Variants in TMEM145 observed in about 807,000 individuals in gnomAD.
TMEM145 encodes transmembrane protein 145.
TMEM145 carries 46 observed loss-of-function variants against 68.5 expected under a neutral mutation model. That is an observed-to-expected ratio of 0.67 (90% CI 0.53 to 0.86). The LOEUF (loss-of-function observed/expected upper bound fraction) is 0.86. Ranked by LOEUF, TMEM145 falls within the 40% of genes least tolerant of loss-of-function variation. TMEM145 has a pLI of 0.00. For synonymous variants in TMEM145, 255 were observed against 280.2 expected (o/e 0.91, Z 0.90); for missense variants, 570 against 645.8 (o/e 0.88, Z 1.27).
chr19:42,317,570 TTCTGTCTCCGTG>T (rs768871787), intron 11 of TMEM145, 127 bp from the exon 12 acceptor site: 238 of 712,716 alleles, frequency 3.3e-4, no homozygotes, highest in Non-Finnish European at 5.2e-4. Flanking sequence ...CTCAATATGC[TTCTGTCTCCGTG>T]CCTGGCTCTC....
rs773204766 is a variant in TMEM145, at chr19:42,323,586, A to C, written c.1198A>C (p.Met400Leu). ...CTGCTCCTGGCCCTGGCCTCAGATC[A>C]TGACCCGCCCATCAGCGGCCAACAA... is the stretch of plus-strand genomic sequence containing the variant. ...HLYAHGVFLI[M>L]TRPSAANKNF... is the part of the protein sequence containing the mutation. Residue 400 changes from methionine to leucine, a missense_variant, in exon 14 of 15, where the codon ATG becomes CTG. Physicochemically the swap from Met to Leu is conservative, Grantham distance 15. Coordinates refer to ENST00000301204, the MANE Select transcript of TMEM145 (RefSeq NM_173633.3). The C allele has an allele frequency of 6.2e-7, 1 of 1,613,820 alleles. No individual in the cohort carries two copies. Among genetic ancestry groups the C allele is most frequent in the East Asian group, 2.2e-5 (1 of 44,878 alleles).
chr19:42,314,948 C>T lies in TMEM145; in HGVS notation c.421-45C>T, dbSNP rs201078342. 2.7e-5 allele frequency: 43 copies of T among 1,613,676 alleles called. No homozygotes were observed. In the Admixed American group the frequency reaches 6.5e-4, roughly 24 times the overall value. ...CCTTCTCTTTGCCTTCCTGCCAACC[C>T]CCAACTTGCCCAGGGCCCCCCTTAG... On this transcript the variant is annotated intron_variant, in intron 5 of 14. Coordinates refer to ENST00000301204, the MANE Select transcript of TMEM145 (RefSeq NM_173633.3).
chr19:42,324,492 T>G (rs2038949747), intron 14 of TMEM145: 21 of 985,254 alleles, frequency 2.1e-5, no homozygotes, highest in Non-Finnish European at 2.5e-5. Context: ...TACTTCAGCA[T>G]GCACACGGCC....
intron 8 of TMEM145, 91 bp from the exon 9 acceptor site, chr19:42,316,390 G>A (rs1037029120): frequency 2.5e-4 from 305 of 1,243,586 alleles, no homozygotes; most frequent in Non-Finnish European, 3.4e-4. Flanking sequence ...GGGAGGAGGC[G>A]GGATTCAGAC....
chr19:42,316,513 G>A lies in TMEM145; in HGVS notation c.679G>A (p.Gly227Ser). The change falls in exon 9 of 15, where the codon GGT becomes AGT. Residue 227 changes from glycine to serine, a missense_variant. Transcript: ENST00000301204. Reference protein sequence around the residue: ...LSLLFFCIYWGQYATDGIGNE... With the variant: ...LSLLFFCIYWSQYATDGIGNE... Reference sequence around the variant, plus strand: ...CCTCCTATTTTTCTGCATCTACTGGGGTCAATATGCCACCGATGGCATTGG... The same window carrying A: ...CCTCCTATTTTTCTGCATCTACTGGAGTCAATATGCCACCGATGGCATTGG... 5 of 1,614,152 alleles carry A rather than the reference G, an allele frequency of 3.1e-6. No homozygotes were observed. The highest frequency in any genetic ancestry group is 3.4e-6 in the Non-Finnish European group (4 of 1,180,004).
In TMEM145 at chr19:42,315,097, G is replaced by A. The variant is rs983855491; in HGVS notation, c.505+20G>A. The A allele has an allele frequency of 6.2e-7, 1 of 1,614,076 alleles. No homozygotes were observed. The highest frequency in any genetic ancestry group is 8.5e-7 in the Non-Finnish European group (1 of 1,180,050). ...AGTTTGGTGAGCACGTGGGGACCTA[G>A]AAACCAGGCTCTCTGTGGGACACCA... On this transcript the variant is annotated intron_variant, in intron 6 of 14. Coordinates refer to ENST00000301204, the MANE Select transcript of TMEM145 (RefSeq NM_173633.3).
intron 8 of TMEM145, 141 bp from the exon 9 acceptor site, chr19:42,316,340 T>C: frequency 2.5e-6 from 2 of 793,352 alleles, no homozygotes; most frequent in Non-Finnish European, 4.2e-6. Flanking sequence ...CTCCAGATTC[T>C]CCTAGCAGGT....
intron 10 of TMEM145, 48 bp from the exon 11 acceptor site, chr19:42,316,822 T>C: frequency 6.2e-7 from 1 of 1,610,084 alleles, no homozygotes; most frequent in Non-Finnish European, 8.5e-7. Flanking sequence ...TGCATCCTCC[T>C]CCCTGACGGC....
chr19:42,313,653 G>A lies in TMEM145; in HGVS notation c.120+157G>A, dbSNP rs2038825289. Among the ~76,000 whole-genome samples the A allele has an allele frequency of 6.6e-6, 1 of 152,170 alleles. No individual in the cohort carries two copies. The highest frequency in any genetic ancestry group is 6.5e-5 in the Admixed American group (1 of 15,288). On this transcript the variant is annotated intron_variant, in intron 1 of 14. Coordinates refer to ENST00000301204, the MANE Select transcript of TMEM145 (RefSeq NM_173633.3). The surrounding 1 kb of genome is among the most constrained non-coding windows in gnomAD (Gnocchi z 5.1). ...GAGGGCGATGGGGGACTGGGCCAGA[G>A]TCGAGGCTAAGGGGAGCCGTAGGGT...
At position 42,324,729 on chromosome 19, in the gene TMEM145, T is replaced by TC; in HGVS notation, c.1402-5dup. 1 of 1,414,076 alleles carries TC rather than the reference T, an allele frequency of 7.1e-7. No homozygotes were observed. Among genetic ancestry groups the TC allele is most frequent in the Non-Finnish European group, 9.2e-7 (1 of 1,087,602 alleles). The allele number at this position is 1,414,076 out of a possible 1,614,324, so 87.6% of individuals were successfully genotyped here. ...CGCGGGAGCCGCTCTCCCCGTCCCC[T>TC]CCCTCAGCCCCTGCCCCGAGCGGCG... On this transcript the variant is annotated splice_polypyrimidine_tract_variant and splice_region_variant and intron_variant, in intron 14 of 14. Coordinates refer to ENST00000301204, the MANE Select transcript of TMEM145 (RefSeq NM_173633.3).
chr19:42,314,162 A>C, intron 1 of TMEM145, 110 bp from the exon 2 acceptor site: 1 of 1,115,544 alleles, frequency 9.0e-7, no homozygotes, highest in Non-Finnish European at 1.4e-6. Context: ...GTCTCCTTCT[A>C]GTACTTGGGA....
intron 14 of TMEM145, 98 bp downstream of exon 14, chr19:42,323,887 C>G (rs2038937850): frequency 9.2e-7 from 1 of 1,089,290 alleles, no homozygotes; most frequent in Non-Finnish European, 1.3e-6. Flanking sequence ...GCGCCCGGAC[C>G]CCTGAGCCCT....
chr19:42,314,964 C>A, intron 5 of TMEM145, 29 bp from the exon 6 acceptor site: 1 of 1,613,172 alleles, frequency 6.2e-7, no homozygotes, highest in Non-Finnish European at 8.5e-7. Flanking sequence ...TTGCCCAGGG[C>A]CCCCCTTAGG....
At chr19:42,314,395 G>A (rs2038833660) in intron 2 of TMEM145, 49 bp downstream of exon 2, 1 of 1,613,974 alleles carries the variant, frequency 6.2e-7, no homozygotes, top group African/African-American at 1.3e-5. Context: ...ACTTCCCTTG[G>A]CCTCCAAAGG....
At chr19:42,324,638 C>A in intron 14 of TMEM145, 99 bp from the exon 15 acceptor site, 8 of 454,986 alleles carry the variant, frequency 1.8e-5, no homozygotes, top group South Asian at 3.2e-5. Flanking sequence ...CCCGACCCTT[C>A]CCACCCCGCG....
intron 14 of TMEM145, 164 bp from the exon 15 acceptor site, chr19:42,324,573 C>A (rs1056942117): frequency 2.0e-6 from 2 of 985,192 alleles, no homozygotes; most frequent in Non-Finnish European, 2.4e-6. Context: ...GGGCCCCGGC[C>A]GGGCTCCGGA....
rs2038833015 is a variant in TMEM145 at position 42,314,343 on chromosome 19, T to A, written c.192T>A (p.Pro64=). 1.9e-6 allele frequency: 3 copies of A among 1,614,094 alleles called. No homozygotes were observed. Among genetic ancestry groups the A allele is most frequent in the Non-Finnish European group, 8.5e-7 (1 of 1,180,006 alleles). The part of the protein sequence containing the change: ...YGRLDFRFRY[P]EAKCCQNILL... ...GACTGGACTTCCGTTTCCGCTACCC[T>A]GAGGTGAGTCTCCCCCAACACTCGC... The change falls in exon 2 of 15, where the codon CCT becomes CCA. Residue 64 remains proline (P), a synonymous_variant. Coordinates refer to ENST00000301204, the MANE Select transcript of TMEM145 (RefSeq NM_173633.3).
At chr19:42,320,646 G>A (rs78149759) in intron 13 of TMEM145, among the ~76,000 whole-genome samples, 2 of 144,724 alleles carry the variant, frequency 1.4e-5, no homozygotes, top group African/African-American at 2.6e-5. Flanking sequence ...TTTTTTTTTC[G>A]AGACAGAGTC....
Position 42,317,742 on chromosome 19 carries a change from G to A in TMEM145, c.934G>A (p.Glu312Lys). The A allele has an allele frequency of 6.2e-7, 1 of 1,614,200 alleles. No individual in the cohort carries two copies. Among genetic ancestry groups the A allele is most frequent in the Middle Eastern group, 1.6e-4 (1 of 6,062 alleles). Residue 312 changes from glutamate (E) to lysine (K), a missense_variant, in exon 12 of 15, where the codon GAG (glutamate) becomes AAG (lysine). Coordinates refer to ENST00000301204, the MANE Select transcript of TMEM145 (RefSeq NM_173633.3). ...CCCAGGCCAGGTACTGTACACGTAT[G>A]AGTCGCCGGCCGGCTACGGGCTCAT... is the stretch of plus-strand genomic sequence containing the variant. ...FDPGQVLYTY[E>K]SPAGYGLIGL...
Sources: allele counts gnomAD v4.1 joint callset (sites outside exome capture counted in the v4.1 genomes callset), GRCh38; gene constraint gnomAD v4.1.1; non-coding constraint Gnocchi (gnomAD v3.1); transcripts MANE v1.5; gene names NCBI Gene and HGNC (gene_info 2026-07-23, HGNC 2026-07-21).